Variants in LRRK1 observed in about 807,000 individuals in gnomAD.
LRRK1 encodes the protein leucine rich repeat kinase 1.
A neutral mutation model predicts 209.1 loss-of-function variants in LRRK1; 113 were observed. That is an observed-to-expected ratio of 0.54 (90% CI 0.46 to 0.63). LRRK1 has a LOEUF of 0.63. Among genes scored for constraint, LRRK1 ranks in the 30% least tolerant of loss-of-function variants. LRRK1 has a pLI of 0.00. For missense variants in LRRK1, 2,284 were observed against 2,632.2 expected (o/e 0.87, Z 2.89); for synonymous variants, 1,144 against 1,099.7 (o/e 1.04, Z -0.80).
At chr15:101,058,628 G>GGGGGGGC (rs2035965011) in intron 29 of LRRK1, among the ~76,000 whole-genome samples, 1 of 141,700 alleles carries the variant, frequency 7.1e-6, no homozygotes, top group Non-Finnish European at 1.5e-5. Context: ...GGGGGGGGGC[G>GGGGGGGC]TCTAAACAGA....
intron 2 of LRRK1, among the ~76,000 whole-genome samples, chr15:100,958,269 AC>A (rs1186524234): frequency 6.6e-6 from 1 of 152,200 alleles, no homozygotes; most frequent in African/African-American, 2.4e-5. Flanking sequence ...ATCAGAGTAA[AC>A]AATTGGGGCC....
At chr15:101,058,924 C>T (rs1386765372) in intron 29 of LRRK1, among the ~76,000 whole-genome samples, 3 of 152,062 alleles carry the variant, frequency 2.0e-5, no homozygotes, top group Non-Finnish European at 4.4e-5. Context: ...TGGAGTGTGA[C>T]CTTTGGGGAG....
At chr15:101,068,204 G>A (rs754624007) in intron 33 of LRRK1, among the ~76,000 whole-genome samples, 2 of 152,190 alleles carry the variant, frequency 1.3e-5, no homozygotes, top group Non-Finnish European at 2.9e-5. Context: ...GGGGCAGTAG[G>A]TTTTCCATTT....
At chr15:100,958,853 C>T (rs866819486) in intron 2 of LRRK1, among the ~76,000 whole-genome samples, 6 of 152,120 alleles carry the variant, frequency 3.9e-5, no homozygotes, top group Admixed American at 1.3e-4. Context: ...CACACTTCTC[C>T]GTTTCTCTCC....
intron 20 of LRRK1, among the ~76,000 whole-genome samples, chr15:101,038,970 A>G (rs1047965834): frequency 2.6e-5 from 4 of 152,174 alleles, no homozygotes; most frequent in Non-Finnish European, 5.9e-5. Flanking sequence ...ACATCTACAA[A>G]GTCTCTATTT....
At position 101,066,817 on chromosome 15, in the gene LRRK1, C is replaced by T. The variant is rs149914306; in HGVS notation, c.5870+76C>T. The T allele has an allele frequency of 5.9e-6, 7 of 1,189,752 alleles. 1 individual carries two copies. The highest frequency in any genetic ancestry group is 2.5e-6 in the Non-Finnish European group (2 of 805,318). The allele number at this position is 1,189,752 out of a possible 1,614,324, so 73.7% of individuals were successfully genotyped here. A position where few individuals can be genotyped will look rare whatever the true frequency, so the allele number is the denominator to read the frequency against. ...GAAGGCCCTGCAGCCAGGTCCTGCA[C>T]AGTGGCTTTGCTGCCCTTCCATTCT... On this transcript the variant is annotated intron_variant, in intron 33 of 33. Transcript: ENST00000388948.
intron 17 of LRRK1, among the ~76,000 whole-genome samples, chr15:101,026,838 C>T (rs754867091): frequency 7.9e-5 from 12 of 152,216 alleles, no homozygotes; most frequent in Non-Finnish European, 2.9e-5. Context: ...CAGCCTGGGA[C>T]ACATTGGCCT....
chr15:100,953,570 C>G (rs1234878376), intron 2 of LRRK1, among the ~76,000 whole-genome samples: 1 of 151,812 alleles, frequency 6.6e-6, no homozygotes, highest in Non-Finnish European at 1.5e-5. Flanking sequence ...CATATTTTCT[C>G]TCTCCATCTG....
intron 2 of LRRK1, among the ~76,000 whole-genome samples, chr15:100,924,938 A>G (rs578148757): frequency 3.8e-4 from 58 of 152,354 alleles, no homozygotes; most frequent in Non-Finnish European, 6.6e-4. Context: ...GGACTCACAG[A>G]TCTTAACAAT....
intron 24 of LRRK1, 113 bp from the exon 25 acceptor site, chr15:101,052,809 C>A: frequency 1.5e-6 from 2 of 1,304,188 alleles, no homozygotes; most frequent in Non-Finnish European, 2.1e-6. Flanking sequence ...ATCTGTCCAG[C>A]CTCACAGATG....
chr15:100,924,035 AT>A (rs1159157881), intron 1 of LRRK1, among the ~76,000 whole-genome samples: 2 of 152,170 alleles, frequency 1.3e-5, no homozygotes, highest in East Asian at 3.9e-4. Context: ...CCCCCTTGGG[AT>A]GACGTGCTCA....
rs1226096191 is a variant in LRRK1, at chr15:101,001,591, C to T, written c.763-7246C>T. On this transcript the variant is annotated intron_variant, in intron 6 of 33. Coordinates refer to ENST00000388948, the MANE Select transcript of LRRK1 (RefSeq NM_024652.6). The stretch of plus-strand genomic sequence containing the variant: ...GGTTCAACAAGGAGGAGGCACCGTC[C>T]CAGGAATCTTTGCTTAACTGCAGAA... Among the ~76,000 whole-genome samples the T allele has an allele frequency of 2.6e-5, 4 of 152,098 alleles. No individual in the cohort carries two copies. In the East Asian group the frequency reaches 7.7e-4, roughly 29 times the overall value.
chr15:100,993,385 G>A (rs928488931), intron 6 of LRRK1, among the ~76,000 whole-genome samples: 4 of 152,062 alleles, frequency 2.6e-5, no homozygotes, highest in African/African-American at 7.2e-5. Flanking sequence ...TACATCCATC[G>A]ATACAAGTAC....
At chr15:100,941,692 G>A (rs780988207) in intron 2 of LRRK1, among the ~76,000 whole-genome samples, 5 of 152,310 alleles carry the variant, frequency 3.3e-5, no homozygotes, top group South Asian at 4.1e-4. Context: ...AATAGCCTGC[G>A]AAGAGGAGGG....
intron 6 of LRRK1, among the ~76,000 whole-genome samples, chr15:101,001,423 G>C (rs888532938): frequency 6.6e-6 from 1 of 152,070 alleles, no homozygotes. Flanking sequence ...TTGTTTTCAG[G>C]GCTTCTTTTG....
intron 6 of LRRK1, among the ~76,000 whole-genome samples, chr15:100,997,447 C>T (rs533537529): frequency 6.6e-6 from 1 of 152,182 alleles, no homozygotes; most frequent in South Asian, 2.1e-4. Context: ...CTCACAGATT[C>T]CAGCAAGTAA....
At chr15:101,013,802 T>C (rs947540897) in intron 10 of LRRK1, among the ~76,000 whole-genome samples, 1 of 152,088 alleles carries the variant, frequency 6.6e-6, no homozygotes, top group African/African-American at 2.4e-5. Flanking sequence ...CTTGGGACTG[T>C]GTCGGCTAGC....
At chr15:101,031,814 A>C (rs2034296823) in intron 20 of LRRK1, among the ~76,000 whole-genome samples, 2 of 151,344 alleles carry the variant, frequency 1.3e-5, no homozygotes, top group South Asian at 4.2e-4. Flanking sequence ...GGCTCATTAC[A>C]AGCTCTGCCT....
At position 101,013,370 on chromosome 15, in the gene LRRK1, G is replaced by A. The variant is rs145073823; in HGVS notation, c.1420-946G>A. Among the ~76,000 whole-genome samples the A allele has an allele frequency of 2.5e-3, 380 of 152,304 alleles. 3 individuals carry two copies. The highest frequency in any genetic ancestry group is 8.6e-3 in the African/African-American group (357 of 41,564). ...TCCTGAGGCCGCCCTGGTTGTGGGC[G>A]GGATAGTTGGTGGCTGTGGTGATGT... On this transcript the variant is annotated intron_variant, in intron 10 of 33. Coordinates refer to ENST00000388948, the MANE Select transcript of LRRK1 (RefSeq NM_024652.6).
Sources: gnomAD v4.1 joint callset for allele counts (sites outside exome capture counted in the v4.1 genomes callset) on GRCh38, gnomAD v4.1.1 for gene constraint, MANE v1.5 for transcripts, NCBI Gene and HGNC (gene_info 2026-07-23, HGNC 2026-07-21) for gene names.